The following RASA1 variants were observed in gnomAD, a reference collection of about 807,000 sequenced individuals.
The protein encoded by RASA1 is ras GTPase-activating protein 1.
RASA1 carries 25 observed loss-of-function variants against 132.2 expected under a neutral mutation model. That is an observed-to-expected ratio of 0.19 (90% CI 0.14 to 0.26). The LOEUF (loss-of-function observed/expected upper bound fraction) is 0.26. Ranked by LOEUF, RASA1 falls within the 10% of genes least tolerant of loss-of-function variation. The pLI is 1.00. For missense variants in RASA1, 964 were observed against 1,299.2 expected (o/e 0.74, Z 3.97); for synonymous variants, 477 against 449.9 (o/e 1.06, Z -0.76).
At chr5:87,369,688 G>C (rs1760786961) in intron 11 of RASA1, 125 bp from the exon 12 acceptor site, 1 of 692,534 alleles carries the variant, frequency 1.4e-6, no homozygotes, top group African/African-American at 1.8e-5. Context: ...TGGTACAATG[G>C]AGTATTATTT....
intron 9 of RASA1, among the ~76,000 whole-genome samples, chr5:87,356,739 C>A (rs1759680970): frequency 6.6e-6 from 1 of 152,120 alleles, no homozygotes; most frequent in African/African-American, 2.4e-5. Context: ...AATGCTATTA[C>A]ACACTTAGTA....
intron 1 of RASA1, among the ~76,000 whole-genome samples, chr5:87,296,989 G>A (rs181547237): frequency 1.3e-5 from 2 of 151,696 alleles, no homozygotes; most frequent in East Asian, 3.9e-4. Flanking sequence ...TTCAGTTTTG[G>A]AAGTAGTTTC....
chr5:87,366,665 C>T (rs1252574056), intron 11 of RASA1, among the ~76,000 whole-genome samples: 1 of 152,142 alleles, frequency 6.6e-6, no homozygotes, highest in Non-Finnish European at 1.5e-5. Flanking sequence ...TTTAATGATA[C>T]CAGGTCTGAA....
intron 9 of RASA1, among the ~76,000 whole-genome samples, chr5:87,357,597 C>G (rs1235187314): frequency 6.6e-6 from 1 of 152,058 alleles, no homozygotes; most frequent in Non-Finnish European, 1.5e-5. Flanking sequence ...CCCAGCTACT[C>G]TGGAGGCTGA....
intron 9 of RASA1, among the ~76,000 whole-genome samples, chr5:87,360,127 T>TTG (rs950704346): frequency 1.9e-4 from 29 of 151,196 alleles, no homozygotes; most frequent in African/African-American, 6.6e-4. Context: ...AAATGCAGTT[T>TTG]TTTTTTTTTT....
chr5:87,273,380 C>T (rs1753931627), intron 1 of RASA1, among the ~76,000 whole-genome samples: 1 of 152,098 alleles, frequency 6.6e-6, no homozygotes, highest in African/African-American at 2.4e-5. Flanking sequence ...ATATCTAAAA[C>T]TGTTAACAGA....
intron 3 of RASA1, 113 bp from the exon 4 acceptor site, chr5:87,333,154 G>T: frequency 6.9e-7 from 1 of 1,441,370 alleles, no homozygotes; most frequent in Non-Finnish European, 9.2e-7. Context: ...TTATTTGAAT[G>T]ATCCCATGGA....
intron 7 of RASA1, among the ~76,000 whole-genome samples, chr5:87,347,679 T>G (rs1758959793): frequency 6.6e-6 from 1 of 152,018 alleles, no homozygotes; most frequent in Admixed American, 6.6e-5. Context: ...AGTACTCAAT[T>G]TTATTGTGAA....
intron 1 of RASA1, among the ~76,000 whole-genome samples, chr5:87,289,851 C>CTGGAGCAATCATCT (rs1348559734): frequency 6.6e-6 from 1 of 151,988 alleles, no homozygotes; most frequent in Non-Finnish European, 1.5e-5. Flanking sequence ...TTGAGTGATC[C>CTGGAGCAATCATCT]TCCCTCCTTG....
intron 11 of RASA1, among the ~76,000 whole-genome samples, chr5:87,364,542 TAA>T (rs1437022231): frequency 1.3e-5 from 2 of 152,280 alleles, no homozygotes; most frequent in Admixed American, 6.5e-5. Context: ...TGATACCTCA[TAA>T]AGAGTTGTTC....
chr5:87,277,922 A>G (rs977519948), intron 1 of RASA1, among the ~76,000 whole-genome samples: 1 of 152,152 alleles, frequency 6.6e-6, no homozygotes. Flanking sequence ...GATCCTACAC[A>G]TGACCATGGT....
At chr5:87,287,084 CCAT>C in intron 1 of RASA1, among the ~76,000 whole-genome samples, 1 of 142,542 alleles carries the variant, frequency 7.0e-6, no homozygotes, top group East Asian at 2.1e-4. Flanking sequence ...TATATACACA[CCAT>C]ATATATACAC....
At chr5:87,339,380 G>C (rs1220389268) in intron 5 of RASA1, among the ~76,000 whole-genome samples, 2 of 152,086 alleles carry the variant, frequency 1.3e-5, no homozygotes, top group African/African-American at 4.8e-5. Flanking sequence ...CAGTAAAAGA[G>C]ATATTTACTC....
chr5:87,316,703 C>T (rs974267362), intron 1 of RASA1, among the ~76,000 whole-genome samples: 4 of 152,174 alleles, frequency 2.6e-5, no homozygotes, highest in African/African-American at 9.7e-5. Context: ...GGGGAACTTC[C>T]TGCACATAAA....
intron 6 of RASA1, among the ~76,000 whole-genome samples, chr5:87,344,567 T>A (rs565718115): frequency 8.5e-5 from 13 of 152,164 alleles, no homozygotes; most frequent in Non-Finnish European, 1.6e-4. Context: ...CGGAGTGCAG[T>A]AGTGCTATCA....
At chr5:87,390,696 A>T in intron 24 of RASA1, 104 bp from the exon 25 acceptor site, 3 of 859,286 alleles carry the variant, frequency 3.5e-6, no homozygotes, top group Non-Finnish European at 5.9e-6. Context: ...GTAATATTTT[A>T]TGCATCCTTT....
rs748222763 is a variant in RASA1 at position 87,383,714 on chromosome 5, G to A, written c.2692G>A (p.Gly898Ser). 6.2e-7 allele frequency: 1 copy of A among 1,607,028 alleles called. No homozygotes were observed. ...AAAAAAAATTTCCCTCCCATTCAGT[G>A]GTTTTGTTTTTCTTCGACTCATCTG... is the stretch of plus-strand genomic sequence containing the variant. ...NTTMRTRVVS[G>S]FVFLRLICPA... Residue 898 changes from glycine to serine, a missense_variant and splice_region_variant, in exon 21 of 25, where the codon GGT becomes AGT. By Grantham distance (56) the Gly-to-Ser change is moderately conservative. Around this residue, in one of 6 missense-constraint regions of RASA1, gnomAD observed 6 missense variants for 34.2 expected, o/e 0.18. Coordinates refer to ENST00000274376, the MANE Select transcript of RASA1 (RefSeq NM_002890.3).
intron 5 of RASA1, 145 bp from the exon 6 acceptor site, chr5:87,341,145 T>C (rs1580306638): frequency 2.2e-6 from 1 of 457,968 alleles, no homozygotes; most frequent in East Asian, 4.1e-5. Context: ...TGGAAAGATA[T>C]TTACTGAACA....
At chr5:87,361,212 T>G (rs1437588651) in intron 9 of RASA1, among the ~76,000 whole-genome samples, 1 of 152,204 alleles carries the variant, frequency 6.6e-6, no homozygotes, top group African/African-American at 2.4e-5. Flanking sequence ...ATGGCTGTGT[T>G]CCAGTAAAAC....
Sources: allele counts gnomAD v4.1 joint callset (sites outside exome capture counted in the v4.1 genomes callset), GRCh38; gene constraint gnomAD v4.1.1; regional missense constraint gnomAD v4.1.1; transcripts MANE v1.5; gene names NCBI Gene and HGNC (gene_info 2026-07-23, HGNC 2026-07-21).